The following CTNND2 variants were observed in gnomAD, a reference collection of about 807,000 sequenced individuals.
CTNND2 encodes catenin delta-2.
A neutral mutation model predicts 144.4 loss-of-function variants in CTNND2; 22 were observed. That is an observed-to-expected ratio of 0.15 (90% CI 0.11 to 0.22). The LOEUF is 0.22. Ranked by LOEUF, CTNND2 falls within the 10% of genes least tolerant of loss-of-function variation. The probability of loss-of-function intolerance (pLI) is 1.00; values close to 1 mark genes in which losing one functional copy is unlikely to be tolerated. For missense variants in CTNND2, 1,353 were observed against 1,618.8 expected (o/e 0.84, Z 2.82); for synonymous variants, 751 against 695.6 (o/e 1.08, Z -1.25).
chr5:11,269,016 T>G (rs995166911), intron 9 of CTNND2, among the ~76,000 whole-genome samples: 1 of 152,206 alleles, frequency 6.6e-6, no homozygotes, highest in African/African-American at 2.4e-5. Context: ...TTACCGAAAC[T>G]TTTCCTTTAG....
chr5:11,521,688 C>T (rs922539624), intron 3 of CTNND2, among the ~76,000 whole-genome samples: 1 of 152,196 alleles, frequency 6.6e-6, no homozygotes, highest in South Asian at 2.1e-4. Flanking sequence ...GTGTTGGTCA[C>T]ATATTATCTT....
At chr5:11,404,670 T>C (rs1191990762) in intron 5 of CTNND2, among the ~76,000 whole-genome samples, 4 of 128,172 alleles carry the variant, frequency 3.1e-5, no homozygotes, top group Non-Finnish European at 4.8e-5. Flanking sequence ...AGAGCTGGAG[T>C]GGAGTGAGGC....
intron 9 of CTNND2, among the ~76,000 whole-genome samples, chr5:11,300,266 G>A (rs1749448576): frequency 6.6e-6 from 1 of 152,126 alleles, no homozygotes; most frequent in African/African-American, 2.4e-5. Flanking sequence ...ATGAGGATAA[G>A]AACCAACCCC....
chr5:10,994,932 A>G (rs1739181024), intron 18 of CTNND2, among the ~76,000 whole-genome samples: 1 of 152,002 alleles, frequency 6.6e-6, no homozygotes, highest in South Asian at 2.1e-4. Context: ...GGAAAGAGGA[A>G]TCAAGCCTTA....
chr5:11,569,136 C>A lies in CTNND2; in HGVS notation c.175-4080G>T, dbSNP rs553116370. 4.5e-4 allele frequency among the ~76,000 whole-genome samples: 69 copies of A among 152,118 alleles called. 1 individual carries two copies. Among genetic ancestry groups the A allele is most frequent in the African/African-American group, 1.5e-3 (64 of 41,502 alleles). On this transcript the variant is annotated intron_variant, in intron 2 of 21. Coordinates refer to ENST00000304623, the MANE Select transcript of CTNND2 (RefSeq NM_001332.4). Reference sequence around the variant, plus strand: ...TGGAGATGTGGTGATGTAAATCAGGCTGCATAAAATGTAATACAGAGACTG... The same window carrying A: ...TGGAGATGTGGTGATGTAAATCAGGATGCATAAAATGTAATACAGAGACTG...
chr5:11,662,979 T>A (rs988494402), intron 2 of CTNND2, among the ~76,000 whole-genome samples: 1 of 152,202 alleles, frequency 6.6e-6, no homozygotes, highest in Non-Finnish European at 1.5e-5. Flanking sequence ...CAGAGCATTA[T>A]GTCAAGACCA....
intron 12 of CTNND2, among the ~76,000 whole-genome samples, chr5:11,141,764 G>A (rs527902002): frequency 1.5e-4 from 23 of 152,332 alleles, no homozygotes; most frequent in African/African-American, 5.1e-4. Context: ...TTGGTCTGCA[G>A]ATGAATATGA....
chr5:11,319,171 A>T (rs1685719161), intron 9 of CTNND2, among the ~76,000 whole-genome samples: 1 of 152,008 alleles, frequency 6.6e-6, no homozygotes, highest in African/African-American at 2.4e-5. Context: ...TTTTCTGTAG[A>T]ACCTTCTATC....
chr5:11,876,561 ATATT>A (rs1414437676), intron 1 of CTNND2, among the ~76,000 whole-genome samples: 2 of 152,176 alleles, frequency 1.3e-5, no homozygotes, highest in Admixed American at 6.5e-5. Flanking sequence ...AAGCACATAA[ATATT>A]TAAACAAAAG....
chr5:11,311,581 A>G (rs568640700), intron 9 of CTNND2, among the ~76,000 whole-genome samples: 9 of 103,740 alleles, frequency 8.7e-5, no homozygotes, highest in African/African-American at 3.4e-4. Flanking sequence ...TGCACCCTCA[A>G]CCCACACATA....
chr5:11,353,062 CTTT>C (rs35251702), intron 8 of CTNND2, among the ~76,000 whole-genome samples: 123 of 125,416 alleles, frequency 9.8e-4, no homozygotes, highest in African/African-American at 2.9e-3. Context: ...GATACACAGT[CTTT>C]TTTTTTTTTT....
chr5:11,702,448 T>C (rs892033488), intron 2 of CTNND2, among the ~76,000 whole-genome samples: 1 of 152,202 alleles, frequency 6.6e-6, no homozygotes, highest in Non-Finnish European at 1.5e-5. Flanking sequence ...CTTGTTTTAT[T>C]GTATTTCCTG....
intron 3 of CTNND2, among the ~76,000 whole-genome samples, chr5:11,460,046 G>T (rs1298388583): frequency 2.0e-5 from 3 of 152,164 alleles, no homozygotes; most frequent in Non-Finnish European, 2.9e-5. Flanking sequence ...ATGTTGACAA[G>T]ATCACCCGAC....
At chr5:11,067,674 A>G (rs1360099825) in intron 16 of CTNND2, among the ~76,000 whole-genome samples, 1 of 152,234 alleles carries the variant, frequency 6.6e-6, no homozygotes, top group Non-Finnish European at 1.5e-5. Context: ...CTCATTGAAG[A>G]ATTGAGAGAC....
intron 16 of CTNND2, among the ~76,000 whole-genome samples, chr5:11,062,522 C>A (rs4702787): frequency 0.065 from 9,900 of 152,232 alleles, 536 homozygotes; most frequent in African/African-American, 0.14. Flanking sequence ...AACTGCAGCT[C>A]AAAAATGGCA....
At chr5:11,202,430 A>C (rs906157892) in intron 10 of CTNND2, among the ~76,000 whole-genome samples, 1 of 152,242 alleles carries the variant, frequency 6.6e-6, no homozygotes, top group African/African-American at 2.4e-5. Flanking sequence ...TTAGATAAAC[A>C]TAAGTAAGTC....
At position 11,316,375 on chromosome 5, in the gene CTNND2, G is replaced by A. The variant is rs1751476344; in HGVS notation, c.1628+29997C>T. ...CGAGTAGCTGGGACTATAGGCGCCT[G>A]CCACCACACCTGGCTAATCTAAGCA... On this transcript the variant is annotated intron_variant, in intron 9 of 21. Transcript: ENST00000304623. 5.9e-5 allele frequency among the ~76,000 whole-genome samples: 9 copies of A among 151,872 alleles called. No homozygotes were observed. The South Asian group carries it at 1.9e-3, about 32-fold the overall frequency.
chr5:11,611,562 G>A (rs1186034252), intron 2 of CTNND2, among the ~76,000 whole-genome samples: 1 of 152,136 alleles, frequency 6.6e-6, no homozygotes, highest in African/African-American at 2.4e-5. Flanking sequence ...TGGATTACAT[G>A]AGGTTAGGAG....
intron 1 of CTNND2, among the ~76,000 whole-genome samples, chr5:11,739,919 T>C (rs1006203494): frequency 6.6e-6 from 1 of 152,166 alleles, no homozygotes; most frequent in African/African-American, 2.4e-5. Flanking sequence ...AGCCAGATGA[T>C]GAGTGAACTC....
Sources: allele counts gnomAD v4.1 joint callset (sites outside exome capture counted in the v4.1 genomes callset), GRCh38; gene constraint gnomAD v4.1.1; transcripts MANE v1.5; gene names NCBI Gene and HGNC (gene_info 2026-07-23, HGNC 2026-07-21).